Variants in RBFOX1 observed in about 807,000 individuals in gnomAD.
RBFOX1 encodes the protein RNA binding fox-1 homolog 1.
A neutral mutation model predicts 57.7 loss-of-function variants in RBFOX1; 8 were observed. That is an observed-to-expected ratio of 0.14 (90% CI 0.08 to 0.25). The LOEUF (loss-of-function observed/expected upper bound fraction) is 0.25, where lower values mean the gene tolerates loss of function less well. RBFOX1 is among the 10% of genes least tolerant of loss of function. The pLI, the probability that RBFOX1 is intolerant of heterozygous loss-of-function variation, is 1.00. For missense variants in RBFOX1, 611 were observed against 548.5 expected (o/e 1.11, Z -1.14); for synonymous variants, 326 against 222.4 (o/e 1.47, Z -4.15).
At chr16:7,169,344 C>T (rs760262839) in intron 4 of RBFOX1, among the ~76,000 whole-genome samples, 2 of 152,168 alleles carry the variant, frequency 1.3e-5, no homozygotes, top group Non-Finnish European at 2.9e-5. Context: ...TGAATCTCAG[C>T]ACTATGGGTA....
intron 1 of RBFOX1, among the ~76,000 whole-genome samples, chr16:6,101,838 C>T (rs2096313172): frequency 6.6e-6 from 1 of 152,174 alleles, no homozygotes; most frequent in Non-Finnish European, 1.5e-5. Flanking sequence ...CTGCCCTTGC[C>T]CTCATCTGCC....
At chr16:7,455,520 C>T (rs534495224) in intron 4 of RBFOX1, among the ~76,000 whole-genome samples, 3 of 151,966 alleles carry the variant, frequency 2.0e-5, no homozygotes, top group East Asian at 1.9e-4. Context: ...GGCCGGGCAC[C>T]GTGGCTCATG....
intron 4 of RBFOX1, among the ~76,000 whole-genome samples, chr16:5,933,148 G>A (rs2059100350): frequency 6.6e-6 from 1 of 152,162 alleles, no homozygotes; most frequent in African/African-American, 2.4e-5. Context: ...TCAAATAGCT[G>A]GAGCTGATAG....
chr16:6,631,828 C>A (rs973646068), intron 2 of RBFOX1, among the ~76,000 whole-genome samples: 1 of 151,810 alleles, frequency 6.6e-6, no homozygotes, highest in African/African-American at 2.4e-5. Context: ...AGAGCGGGTG[C>A]ATGCAAACAC....
intron 3 of RBFOX1, among the ~76,000 whole-genome samples, chr16:5,676,404 T>A (rs1055873481): frequency 1.3e-5 from 2 of 152,160 alleles, no homozygotes; most frequent in Non-Finnish European, 2.9e-5. Flanking sequence ...ATATTACATA[T>A]CATTTAGGAA....
intron 3 of RBFOX1, among the ~76,000 whole-genome samples, chr16:5,651,283 C>A (rs1002245640): frequency 6.6e-6 from 1 of 151,968 alleles, no homozygotes. Flanking sequence ...GAACTCCTGG[C>A]CTCACGTGAC....
intron 4 of RBFOX1, among the ~76,000 whole-genome samples, chr16:5,909,852 A>C (rs2152207181): frequency 6.6e-6 from 1 of 152,212 alleles, no homozygotes; most frequent in Admixed American, 6.5e-5. Context: ...AGGAGTTTCG[A>C]GACCAGCCTG....
At chr16:5,782,814 T>A (rs2054367218) in intron 3 of RBFOX1, among the ~76,000 whole-genome samples, 1 of 152,202 alleles carries the variant, frequency 6.6e-6, no homozygotes, top group African/African-American at 2.4e-5. Flanking sequence ...CCAGGGAAGC[T>A]GATGTTGTAA....
At chr16:6,161,443 C>T (rs1195457346) in intron 1 of RBFOX1, among the ~76,000 whole-genome samples, 1 of 151,806 alleles carries the variant, frequency 6.6e-6, no homozygotes, top group East Asian at 1.9e-4. Context: ...CTTACTCTCT[C>T]TCCATCCCAT....
At chr16:7,658,125 G>C (rs937518910) in intron 12 of RBFOX1, among the ~76,000 whole-genome samples, 1 of 152,148 alleles carries the variant, frequency 6.6e-6, no homozygotes, top group African/African-American at 2.4e-5. Context: ...CATGCATTCA[G>C]TGAACTGTAC....
chr16:6,354,826 A>G (rs2086998448), intron 2 of RBFOX1, among the ~76,000 whole-genome samples: 1 of 152,202 alleles, frequency 6.6e-6, no homozygotes, highest in African/African-American at 2.4e-5. Context: ...GATGCTCATT[A>G]ACTACTGAAG....
intron 3 of RBFOX1, among the ~76,000 whole-genome samples, chr16:5,724,426 G>C (rs1032795290): frequency 2.6e-5 from 4 of 152,100 alleles, no homozygotes; most frequent in African/African-American, 9.7e-5. Context: ...CTTCCCTTGA[G>C]TCTCTATGTC....
intron 1 of RBFOX1, among the ~76,000 whole-genome samples, chr16:6,094,932 T>A (rs1423102822): frequency 6.6e-6 from 1 of 152,158 alleles, no homozygotes; most frequent in East Asian, 1.9e-4. Flanking sequence ...TGGTGGTGCA[T>A]GCCTGTAGTC....
intron 3 of RBFOX1, among the ~76,000 whole-genome samples, chr16:7,050,137 G>A (rs1382486638): frequency 7.1e-6 from 1 of 139,978 alleles, no homozygotes; most frequent in African/African-American, 2.9e-5. Context: ...TATTTCAGGT[G>A]TATAATTCAA....
chr16:6,233,204 C>T (rs1282551664), intron 1 of RBFOX1, among the ~76,000 whole-genome samples: 1 of 152,116 alleles, frequency 6.6e-6, no homozygotes, highest in Non-Finnish European at 1.5e-5. Flanking sequence ...AATTCACTTG[C>T]CGTCAGTGGC....
intron 3 of RBFOX1, among the ~76,000 whole-genome samples, chr16:5,633,998 C>A (rs2048603680): frequency 6.6e-6 from 1 of 152,152 alleles, no homozygotes; most frequent in Non-Finnish European, 1.5e-5. Context: ...TGTTAGCAAG[C>A]CCACCTTGAG....
At chr16:7,373,882 A>G (rs2097629557) in intron 4 of RBFOX1, among the ~76,000 whole-genome samples, 1 of 152,220 alleles carries the variant, frequency 6.6e-6, no homozygotes, top group Non-Finnish European at 1.5e-5. Flanking sequence ...GTTTAGGTAC[A>G]TTCTCATTCC....
At chr16:7,448,765 T>G (rs1423874961) in intron 4 of RBFOX1, among the ~76,000 whole-genome samples, 1 of 152,152 alleles carries the variant, frequency 6.6e-6, no homozygotes, top group Non-Finnish European at 1.5e-5. Context: ...ACACATACAT[T>G]TTCCTTCTAT....
chr16:6,939,787 C>T (rs2078034662), intron 3 of RBFOX1, among the ~76,000 whole-genome samples: 1 of 152,240 alleles, frequency 6.6e-6, no homozygotes, highest in South Asian at 2.1e-4. Flanking sequence ...GCTGGGATTA[C>T]AGATGTCAGC....
Sources: allele counts gnomAD v4.1 joint callset (sites outside exome capture counted in the v4.1 genomes callset), GRCh38; gene constraint gnomAD v4.1.1; transcripts MANE v1.5; gene names NCBI Gene and HGNC (gene_info 2026-07-23, HGNC 2026-07-21).